Variants in ECT2L observed in about 807,000 individuals in gnomAD.
ECT2L encodes epithelial cell-transforming sequence 2 oncogene-like.
Under a neutral mutation model 122.8 loss-of-function variants are expected in ECT2L, and 126 were observed. That is an observed-to-expected ratio of 1.03 (90% confidence interval 0.89 to 1.19). The LOEUF is 1.19. Ranked by LOEUF, ECT2L falls within the 50% of genes most tolerant of loss-of-function variation. ECT2L has a pLI of 0.00. For missense variants in ECT2L, 1,012 were observed against 1,064.1 expected, an observed-to-expected ratio of 0.95 and a Z score of 0.68; for synonymous variants, 385 against 381.8, an observed-to-expected ratio of 1.01 and a Z score of -0.10.
At chr6:138,870,604 A>ATACAAT (rs1554276607) in intron 13 of ECT2L, among the ~76,000 whole-genome samples, 4 of 152,038 alleles carry the variant, frequency 2.6e-5, no homozygotes, top group Non-Finnish European at 5.9e-5. Context: ...TTTGACATTT[A>ATACAAT]TGAGCCCTGA....
intron 4 of ECT2L, chr6:138,822,845 A>G: frequency 6.2e-7 from 1 of 1,613,636 alleles, no homozygotes; most frequent in Non-Finnish European, 8.5e-7. Context: ...TCTGTATCAA[A>G]GAAGATGTCA....
chr6:138,897,366 C>T lies in ECT2L; in HGVS notation c.2415-3582C>T, dbSNP rs552609136. ...TAAAAAAACAAATAAAAACCTCATA[C>T]AGTATAAGTATTCACATAGTGTTTA... On this transcript the variant is annotated intron_variant, in intron 20 of 21. Coordinates refer to ENST00000541398, the MANE Select transcript of ECT2L (RefSeq NM_001077706.3). Among the ~76,000 whole-genome samples, 3 of 152,160 alleles carry T rather than the reference C, an allele frequency of 2.0e-5. No homozygotes were observed. In the East Asian group the frequency reaches 5.8e-4, roughly 29 times the overall value.
intron 16 of ECT2L, among the ~76,000 whole-genome samples, chr6:138,884,808 ATTG>A (rs1240269974): frequency 7.2e-5 from 11 of 152,144 alleles, no homozygotes; most frequent in African/African-American, 2.6e-4. Context: ...TATGGATAGG[ATTG>A]TTTTTTTTCC....
At chr6:138,848,644 A>T (rs1019742513) in intron 8 of ECT2L, among the ~76,000 whole-genome samples, 2 of 152,176 alleles carry the variant, frequency 1.3e-5, no homozygotes, top group African/African-American at 4.8e-5. Context: ...AGCTCAGTGG[A>T]TCCACATGAA....
At chr6:138,888,819 CTT>C in intron 19 of ECT2L, 122 bp from the exon 20 acceptor site, 1 of 364,914 alleles carries the variant, frequency 2.7e-6, no homozygotes, top group East Asian at 4.2e-5. Context: ...AAAATATTCA[CTT>C]TTTCATACTT....
chr6:138,817,858 C>T (rs111274031), intron 4 of ECT2L, among the ~76,000 whole-genome samples: 3,043 of 152,270 alleles, frequency 0.02, 53 homozygotes, highest in Middle Eastern at 0.048. Flanking sequence ...TGTGGCTTTT[C>T]TTGGTATGTT....
At chr6:138,807,432 T>A (rs1242701387) in intron 1 of ECT2L, among the ~76,000 whole-genome samples, 4 of 152,316 alleles carry the variant, frequency 2.6e-5, no homozygotes, top group Non-Finnish European at 4.4e-5. Flanking sequence ...ACACATTTTC[T>A]ATCCTCCACA....
At chr6:138,880,889 T>G in intron 14 of ECT2L, 68 bp from the exon 15 acceptor site, 1 of 1,414,218 alleles carries the variant, frequency 7.1e-7, no homozygotes, top group South Asian at 1.2e-5. Context: ...GGTCTCCGTG[T>G]AGCTGCCTGA....
intron 1 of ECT2L, among the ~76,000 whole-genome samples, chr6:138,811,443 C>A (rs1181353022): frequency 6.6e-6 from 1 of 152,190 alleles, no homozygotes; most frequent in African/African-American, 2.4e-5. Flanking sequence ...CCTTTCCCCA[C>A]AAATTATATG....
At chr6:138,876,649 G>A in intron 14 of ECT2L, 91 bp downstream of exon 14, 1 of 711,896 alleles carries the variant, frequency 1.4e-6, no homozygotes, top group Non-Finnish European at 2.1e-6. Context: ...CATTTTCCTT[G>A]AAAATTTCCC....
At position 138,824,956 on chromosome 6, in the gene ECT2L, A is replaced by C. The variant is rs141590756; in HGVS notation, c.179+10353A>C. 2.1e-3 allele frequency among the ~76,000 whole-genome samples: 324 copies of C among 152,344 alleles called. 1 individual carries two copies. Among genetic ancestry groups the C allele is most frequent in the African/African-American group, 7.6e-3 (318 of 41,580 alleles). On this transcript the variant is annotated intron_variant, in intron 4 of 21. Coordinates refer to ENST00000541398, the MANE Select transcript of ECT2L (RefSeq NM_001077706.3). ...ATGAACACACAGGAAGTCAAACTGC[A>C]ATTAGGCAGCAACAGTATGTGTGTG...
intron 4 of ECT2L, among the ~76,000 whole-genome samples, chr6:138,835,275 G>A (rs916668237): frequency 5.3e-5 from 8 of 152,210 alleles, no homozygotes; most frequent in East Asian, 1.9e-4. Context: ...ATGGCCAGGC[G>A]CAGTGGCTCA....
At chr6:138,844,901 T>A (rs1777169767) in intron 7 of ECT2L, among the ~76,000 whole-genome samples, 1 of 151,914 alleles carries the variant, frequency 6.6e-6, no homozygotes, top group South Asian at 2.1e-4. Context: ...TAGCTGCGAT[T>A]ACAGGCATGT....
At chr6:138,893,546 G>A (rs1248286700) in intron 20 of ECT2L, among the ~76,000 whole-genome samples, 1 of 151,762 alleles carries the variant, frequency 6.6e-6, no homozygotes, top group Non-Finnish European at 1.5e-5. Context: ...TCAGCCTCCT[G>A]AGTAGCTGGG....
chr6:138,862,855 C>A, intron 11 of ECT2L, 136 bp downstream of exon 11: 1 of 605,300 alleles, frequency 1.7e-6, no homozygotes, highest in Non-Finnish European at 2.8e-6. Flanking sequence ...TGAAGGAACG[C>A]TATTAGTTCC....
intron 8 of ECT2L, 70 bp from the exon 9 acceptor site, chr6:138,849,199 T>C: frequency 9.3e-6 from 13 of 1,390,736 alleles, no homozygotes; most frequent in Non-Finnish European, 1.2e-5. Context: ...GTATCCGTTC[T>C]ATTTCTTTCA....
At chr6:138,817,935 T>C (rs957666866) in intron 4 of ECT2L, among the ~76,000 whole-genome samples, 2 of 152,184 alleles carry the variant, frequency 1.3e-5, no homozygotes, top group Non-Finnish European at 2.9e-5. Flanking sequence ...CTTGACTAGG[T>C]TGACCTTTCC....
At chr6:138,859,363 T>C (rs1279939660) in intron 10 of ECT2L, among the ~76,000 whole-genome samples, 2 of 152,248 alleles carry the variant, frequency 1.3e-5, no homozygotes, top group Non-Finnish European at 2.9e-5. Flanking sequence ...AAAGCTGCTA[T>C]GAACTTATGC....
chr6:138,849,805 T>C (rs1436405600), intron 9 of ECT2L, among the ~76,000 whole-genome samples: 2 of 152,004 alleles, frequency 1.3e-5, no homozygotes, highest in Non-Finnish European at 2.9e-5. Flanking sequence ...TCTCCTGCCT[T>C]AGCCTCTCAA....
Sources: allele counts gnomAD v4.1 joint callset (sites outside exome capture counted in the v4.1 genomes callset), GRCh38; gene constraint gnomAD v4.1.1; transcripts MANE v1.5; gene names NCBI Gene and HGNC (gene_info 2026-07-23, HGNC 2026-07-21).